Variants in MBNL2 observed in about 807,000 individuals in gnomAD.
MBNL2 encodes muscleblind-like protein 2.
In MBNL2, 17 loss-of-function variants were observed where a neutral mutation model predicts 41.9. The ratio of observed to expected loss-of-function variants is 0.41; its 90% CI spans 0.28 to 0.61. MBNL2 has a LOEUF of 0.61. MBNL2 is among the 20% of genes least tolerant of loss of function. The pLI is 0.35. For synonymous variants in MBNL2, 195 were observed against 182.9 expected, an observed-to-expected ratio of 1.07 and a Z score of -0.53; for missense variants, 336 against 505.6, an observed-to-expected ratio of 0.66 and a Z score of 3.22.
chr13:97,227,532 A>C (rs939818851), intron 1 of MBNL2, among the ~76,000 whole-genome samples: 1 of 152,238 alleles, frequency 6.6e-6, no homozygotes, highest in Non-Finnish European at 1.5e-5. Context: ...GCATTATCTT[A>C]ATTAGCAGTT....
In MBNL2 at chr13:97,245,290, C is replaced by T. The variant is rs577567761; in HGVS notation, c.-605+22759C>T. ...CTTGCTTGAAGAAGTTTTTGGGTGCCAAGTCTAAGCTCCCAGGGAAAAAGT... is the reference window on the plus strand; with the variant it reads ...CTTGCTTGAAGAAGTTTTTGGGTGCTAAGTCTAAGCTCCCAGGGAAAAAGT... On this transcript the variant is annotated intron_variant, in intron 1 of 8. Coordinates refer to ENST00000679496, the MANE Select transcript of MBNL2 (RefSeq NM_001382683.1). Among the ~76,000 whole-genome samples the T allele has an allele frequency of 5.9e-5, 9 of 152,134 alleles. No homozygotes were observed. In the South Asian group the frequency reaches 1.9e-3, roughly 32 times the overall value.
intron 1 of MBNL2, among the ~76,000 whole-genome samples, chr13:97,243,565 GA>G (rs2044762285): frequency 6.6e-6 from 1 of 152,192 alleles, no homozygotes; most frequent in African/African-American, 2.4e-5. Flanking sequence ...CCATATGCCA[GA>G]AATCAACGAA....
rs190300012 is a variant in MBNL2 at position 97,262,979 on chromosome 13, G to T, written c.-604-12653G>T. 8.3e-3 allele frequency among the ~76,000 whole-genome samples: 1,268 copies of T among 152,136 alleles called. 5 individuals are homozygous for T. The highest frequency in any genetic ancestry group is 0.013 in the Non-Finnish European group (861 of 67,992). Reference sequence around the variant, plus strand: ...TTTATTTTATTTTTTTGGTAGAGTAGTTTCACCACGTTGCCCAGGCTGGTC... The same window carrying T: ...TTTATTTTATTTTTTTGGTAGAGTATTTTCACCACGTTGCCCAGGCTGGTC... On this transcript the variant is annotated intron_variant, in intron 1 of 8. Coordinates refer to ENST00000679496, the MANE Select transcript of MBNL2 (RefSeq NM_001382683.1).
At chr13:97,218,444 A>AAACAAAC (rs2040590951), upstream of MBNL2, among the ~76,000 whole-genome samples, 2 of 136,820 alleles carry the variant, frequency 1.5e-5, no homozygotes, top group African/African-American at 5.4e-5. Context: ...ACAAAACAAA[A>AAACAAAC]AAAAAAAACT....
intron 1 of MBNL2, among the ~76,000 whole-genome samples, chr13:97,247,629 C>T: frequency 6.6e-6 from 1 of 152,128 alleles, no homozygotes; most frequent in African/African-American, 2.4e-5. Flanking sequence ...AGTGGTGTTA[C>T]TTATAAAAAA....
chr13:97,299,542 G>A (rs1372136657), intron 2 of MBNL2, among the ~76,000 whole-genome samples: 1 of 152,090 alleles, frequency 6.6e-6, no homozygotes, highest in Non-Finnish European at 1.5e-5. Flanking sequence ...TTGAACAGAG[G>A]CATGTACATG....
At chr13:97,142,151 T>C in the MBNL2 span, among the ~76,000 whole-genome samples, 1 of 152,218 alleles carries the variant, frequency 6.6e-6, no homozygotes, top group East Asian at 1.9e-4. Flanking sequence ...ATTAAAGCTT[T>C]CTCATTTAAT....
At chr13:97,347,122 C>T (rs1231249164) in intron 5 of MBNL2, 55 bp downstream of exon 5, 13 of 1,347,282 alleles carry the variant, frequency 9.6e-6, no homozygotes, top group African/African-American at 7.5e-5. Flanking sequence ...GAGGCCGCTC[C>T]GGGCTGGGAC....
In MBNL2 at chr13:97,276,210, C is replaced by CA; in HGVS notation, c.-23dup. On this transcript the variant is annotated 5_prime_UTR_variant, in exon 2 of 9. Transcript: ENST00000679496. The stretch of plus-strand genomic sequence containing the variant: ...GATTGATTTCATCATTTAACAGAAA[C>CA]AAACAGCCCAAATTACTTTATCACC... 1.9e-6 allele frequency: 3 copies of CA among 1,592,268 alleles called. No individual in the cohort carries two copies. Among genetic ancestry groups the CA allele is most frequent in the Non-Finnish European group, 2.6e-6 (3 of 1,163,668 alleles).
upstream of MBNL2, among the ~76,000 whole-genome samples, chr13:97,218,751 G>A (rs1247068255): frequency 6.6e-6 from 1 of 151,858 alleles, no homozygotes; most frequent in African/African-American, 2.4e-5. Context: ...AGGAGGAGGA[G>A]GAAAAGGAGA....
intron 2 of MBNL2, among the ~76,000 whole-genome samples, chr13:97,284,587 G>C (rs2054063364): frequency 6.6e-6 from 1 of 152,134 alleles, no homozygotes; most frequent in South Asian, 2.1e-4. Context: ...TGAGGAACTG[G>C]GGGTTAGGAC....
chr13:97,306,382 C>T (rs370232923), intron 2 of MBNL2, among the ~76,000 whole-genome samples: 21 of 152,336 alleles, frequency 1.4e-4, no homozygotes, highest in Non-Finnish European at 2.1e-4. Flanking sequence ...GTATTTGACA[C>T]GGTTGAGCAC....
chr13:97,348,051 T>C (rs1370274764), intron 5 of MBNL2, among the ~76,000 whole-genome samples: 1 of 150,870 alleles, frequency 6.6e-6, no homozygotes, highest in Non-Finnish European at 1.5e-5. Flanking sequence ...ATTTAGTTGG[T>C]CTGGTGTGGT....
chr13:97,244,335 T>C (rs1360333535), intron 1 of MBNL2, among the ~76,000 whole-genome samples: 1 of 152,208 alleles, frequency 6.6e-6, no homozygotes, highest in East Asian at 1.9e-4. Flanking sequence ...GCTGTAATTT[T>C]GAAAGCAACA....
At chr13:97,155,731 C>CT in the MBNL2 span, among the ~76,000 whole-genome samples, 1 of 151,880 alleles carries the variant, frequency 6.6e-6, no homozygotes, top group African/African-American at 2.4e-5. Flanking sequence ...TGAACTCATC[C>CT]TTTTTTATGG....
intron 1 of MBNL2, among the ~76,000 whole-genome samples, chr13:97,233,459 G>A (rs1222246789): frequency 1.3e-5 from 2 of 150,406 alleles, no homozygotes; most frequent in Non-Finnish European, 3.0e-5. Flanking sequence ...TTCTCTCTTC[G>A]AAGTCTGTAC....
At chr13:97,179,660 A>C in the MBNL2 span, 1 of 151,820 alleles carries the variant, frequency 6.6e-6, no homozygotes, top group African/African-American at 2.4e-5. Context: ...CTATGCCCTG[A>C]CTCTCTGGGC....
At chr13:97,353,073 T>A (rs1353731150) in intron 5 of MBNL2, among the ~76,000 whole-genome samples, 1 of 152,218 alleles carries the variant, frequency 6.6e-6, no homozygotes. Context: ...ATTACATTCA[T>A]GGTTACATTC....
the MBNL2 span, chr13:97,172,921 G>T: frequency 6.6e-6 from 1 of 151,946 alleles, no homozygotes; most frequent in Non-Finnish European, 1.5e-5. Context: ...AAAATATATA[G>T]ATATATATGT....
Sources: allele counts gnomAD v4.1 joint callset (sites outside exome capture counted in the v4.1 genomes callset), GRCh38; gene constraint gnomAD v4.1.1; transcripts MANE v1.5; gene names NCBI Gene and HGNC (gene_info 2026-07-23, HGNC 2026-07-21).